The following NUS1 variants were observed in gnomAD, a reference collection of about 807,000 sequenced individuals.
NUS1 encodes dehydrodolichyl diphosphate synthase complex subunit NUS1.
For missense variants in NUS1, 292 were observed against 382.9 expected (o/e 0.76, Z 1.98); for synonymous variants, 135 against 155.2 (o/e 0.87, Z 0.97).
chr6:117,704,854 T>C (rs1383291969), intron 4 of NUS1, among the ~76,000 whole-genome samples: 2 of 152,152 alleles, frequency 1.3e-5, no homozygotes, highest in Non-Finnish European at 2.9e-5. Context: ...GCAGATGATT[T>C]TGAGGCCATA....
At chr6:117,689,199 G>A (rs563334009) in intron 1 of NUS1, among the ~76,000 whole-genome samples, 3 of 152,314 alleles carry the variant, frequency 2.0e-5, no homozygotes, top group African/African-American at 7.2e-5. Context: ...CAGAGAAGCT[G>A]AGGAGGGAAG....
At chr6:117,679,653 GT>G (rs1197469337) in intron 1 of NUS1, among the ~76,000 whole-genome samples, 1 of 152,160 alleles carries the variant, frequency 6.6e-6, no homozygotes, top group Non-Finnish European at 1.5e-5. Context: ...GATGGGGCAG[GT>G]TGGTCATCTG....
At chr6:117,680,003 A>C (rs1315824933) in intron 1 of NUS1, among the ~76,000 whole-genome samples, 2 of 152,192 alleles carry the variant, frequency 1.3e-5, no homozygotes, top group African/African-American at 2.4e-5. Flanking sequence ...TTTGCTCTCA[A>C]ATTTGTACTT....
At chr6:117,688,504 C>T (rs530152419) in intron 1 of NUS1, among the ~76,000 whole-genome samples, 1 of 151,730 alleles carries the variant, frequency 6.6e-6, no homozygotes, top group Non-Finnish European at 1.5e-5. Flanking sequence ...TTTAAATCAC[C>T]TGCTGTCCTA....
intron 1 of NUS1, among the ~76,000 whole-genome samples, chr6:117,685,421 C>G (rs1256408881): frequency 6.6e-6 from 1 of 151,546 alleles, no homozygotes. Context: ...CTTTGTTGCC[C>G]AGGCTGGAGT....
At chr6:117,692,666 A>G (rs567056360) in intron 1 of NUS1, among the ~76,000 whole-genome samples, 6 of 152,290 alleles carry the variant, frequency 3.9e-5, no homozygotes, top group Admixed American at 2.6e-4. Context: ...AGTGAGGAAC[A>G]TAACAGGCTC....
intron 1 of NUS1, among the ~76,000 whole-genome samples, chr6:117,692,538 C>G (rs1458197510): frequency 6.6e-6 from 1 of 152,006 alleles, no homozygotes; most frequent in African/African-American, 2.4e-5. Context: ...AATTGTTTTT[C>G]TGTTCTCTTT....
At position 117,694,193 on chromosome 6, in the gene NUS1, A is replaced by T. The variant is rs1303197797; in HGVS notation, c.691+13A>T. 4.9e-6 allele frequency: 7 copies of T among 1,429,670 alleles called. No individual in the cohort carries two copies. Among genetic ancestry groups the T allele is most frequent in the Middle Eastern group, 2.0e-4 (1 of 5,076 alleles). The allele number at this position is 1,429,670 out of a possible 1,614,324, so 88.6% of individuals were successfully genotyped here. ...GCCAGTTTACTTAGTAAGTTTTTTT[A>T]TATATATATACATATATATGTATAT... On this transcript the variant is annotated intron_variant, in intron 3 of 4. Transcript: ENST00000368494.
At chr6:117,691,052 C>A (rs1350161089) in intron 1 of NUS1, among the ~76,000 whole-genome samples, 1 of 149,940 alleles carries the variant, frequency 6.7e-6, no homozygotes, top group Admixed American at 6.7e-5. Flanking sequence ...TTTCTACATT[C>A]ACTTCTAAGT....
intron 1 of NUS1, among the ~76,000 whole-genome samples, chr6:117,688,916 T>C (rs906296120): frequency 5.3e-5 from 8 of 152,200 alleles, no homozygotes; most frequent in Admixed American, 5.2e-4. Context: ...TTTACCTCAC[T>C]TATTTTTGTC....
chr6:117,676,852 A>G (rs915843208), intron 1 of NUS1, among the ~76,000 whole-genome samples: 3 of 152,170 alleles, frequency 2.0e-5, no homozygotes, highest in African/African-American at 7.2e-5. Context: ...CAGTGAGGCT[A>G]TAGAGGACTT....
intron 3 of NUS1, 66 bp downstream of exon 3, chr6:117,694,246 A>C (rs187640922): frequency 3.3e-6 from 3 of 907,388 alleles, no homozygotes; most frequent in Non-Finnish European, 4.6e-6. Context: ...GTTTTGTCAC[A>C]CGAGGATACA....
Position 117,694,191 on chromosome 6 carries a change from T to TTA in NUS1, c.691+22_691+23dup, listed in dbSNP as rs770616856. 71 of 1,492,016 alleles carry TTA rather than the reference T, an allele frequency of 4.8e-5. No individual in the cohort carries two copies. The highest frequency in any genetic ancestry group is 1.9e-4 in the Middle Eastern group (1 of 5,274). 92.4% of individuals were successfully genotyped at this position (1,492,016 alleles called of 1,614,324 possible). On this transcript the variant is annotated intron_variant, in intron 3 of 4. Transcript: ENST00000368494. ...TAGCCAGTTTACTTAGTAAGTTTTTTTATATATATATACATATATATGTAT... is the reference window on the plus strand; with the variant it reads ...TAGCCAGTTTACTTAGTAAGTTTTTTTATATATATATATACATATATATGTAT...
chr6:117,703,899 A>G (rs747303312), intron 4 of NUS1, among the ~76,000 whole-genome samples, 195 bp downstream of exon 4: 3 of 152,172 alleles, frequency 2.0e-5, no homozygotes, highest in Non-Finnish European at 4.4e-5. Flanking sequence ...AGTTGTGCAG[A>G]TGTTTGGTAT....
rs1263952011 is a variant in NUS1, at chr6:117,682,774, G to C, written c.415+6689G>C. Among the ~76,000 whole-genome samples the C allele has an allele frequency of 2.0e-5, 3 of 152,174 alleles. No individual in the cohort carries two copies. In the East Asian group the frequency reaches 5.8e-4, roughly 29 times the overall value. The stretch of plus-strand genomic sequence containing the variant: ...AGGAGCAGATCTAGAATTTGAACCA[G>C]ATTTTTATTCTAGAGCTTTTGTGCT... On this transcript the variant is annotated intron_variant, in intron 1 of 4. Coordinates refer to ENST00000368494, the MANE Select transcript of NUS1 (RefSeq NM_138459.5).
rs1773360451 is a variant in NUS1 at position 117,698,983 on chromosome 6, TG to T, written c.692-4619del. Reference sequence around the variant, plus strand: ...TGCATGATAAAAACCCTAAAAAATCTGGGTATAGAAGGAACACGCTACAACA... The same window carrying T: ...TGCATGATAAAAACCCTAAAAAATCTGGTATAGAAGGAACACGCTACAACA... On this transcript the variant is annotated intron_variant, in intron 3 of 4. Coordinates refer to ENST00000368494, the MANE Select transcript of NUS1 (RefSeq NM_138459.5). 3.9e-5 allele frequency among the ~76,000 whole-genome samples: 6 copies of T among 152,206 alleles called. No individual in the cohort carries two copies. In the South Asian group the frequency reaches 1.2e-3, roughly 32 times the overall value.
Position 117,694,158 on chromosome 6 carries a change from A to T in NUS1, c.669A>T (p.Val223=), listed in dbSNP as rs1226886047. 1 of 1,607,888 alleles carries T rather than the reference A, an allele frequency of 6.2e-7. No individual in the cohort carries two copies. Among genetic ancestry groups the T allele is most frequent in the Non-Finnish European group, 8.5e-7 (1 of 1,176,992 alleles). ...AAAAGAGACCCACAGATTTGGATGT[A>T]GATACGTTAGCCAGTTTACTTAGTA... The part of the protein sequence containing the change: ...QKQKRPTDLD[V]DTLASLLSSN... Residue 223 remains valine (V), a synonymous_variant, in exon 3 of 5, where the codon GTA becomes GTT. Transcript: ENST00000368494.
chr6:117,684,918 A>G (rs1006266761), intron 1 of NUS1, among the ~76,000 whole-genome samples: 1 of 152,270 alleles, frequency 6.6e-6, no homozygotes, highest in Non-Finnish European at 1.5e-5. Context: ...CAAATTGCAT[A>G]ATCATATACA....
intron 1 of NUS1, among the ~76,000 whole-genome samples, chr6:117,690,438 T>A (rs909562544): frequency 3.9e-5 from 6 of 152,174 alleles, no homozygotes; most frequent in Non-Finnish European, 8.8e-5. Flanking sequence ...TATGTCTCAG[T>A]TTCTGAGCTC....
Sources: allele counts gnomAD v4.1 joint callset (sites outside exome capture counted in the v4.1 genomes callset), GRCh38; gene constraint gnomAD v4.1.1; transcripts MANE v1.5; gene names NCBI Gene and HGNC (gene_info 2026-07-23, HGNC 2026-07-21).